The following FAT3 variants were observed in gnomAD, a reference collection of about 807,000 sequenced individuals.
FAT3 encodes the protein protocadherin Fat 3.
A neutral mutation model predicts 310.2 loss-of-function variants in FAT3; 95 were observed. That is an observed-to-expected ratio of 0.31 (90% CI 0.26 to 0.36). The LOEUF is 0.36. FAT3 is among the 10% of genes least tolerant of loss of function. The pLI is 1.00. For synonymous variants in FAT3, 2,314 were observed against 2,192.9 expected (o/e 1.06, Z -1.54); for missense variants, 5,408 against 5,715.6 (o/e 0.95, Z 1.74).
At chr11:92,780,164 T>TG (rs1444123798) in intron 7 of FAT3, among the ~76,000 whole-genome samples, 4 of 3,554 alleles carry the variant, frequency 1.1e-3, no homozygotes, top group Non-Finnish European at 2.7e-3. Flanking sequence ...TTTTTTTTTC[T>TG]TTTTTTTTTT....
chr11:92,352,347 A>T lies in FAT3; in HGVS notation c.235A>T (p.Ile79Phe). Residue 79 changes from isoleucine (I) to phenylalanine (F), a missense_variant, in exon 2 of 28, where the codon ATC (isoleucine) becomes TTC (phenylalanine). Around this residue, in one of 5 missense-constraint regions of FAT3, gnomAD observed 152 missense variants for 188.3 expected, o/e 0.81. Transcript: ENST00000525166. ...GITLIDLSWD[I>F]KYRIVSGDEE... ...CACCTTAATAGATCTATCCTGGGAT[A>T]TCAAATACAGAATAGTGTCCGGAGA... 1.9e-6 allele frequency: 3 copies of T among 1,587,684 alleles called. No individual in the cohort carries two copies. The highest frequency in any genetic ancestry group is 2.6e-6 in the Non-Finnish European group (3 of 1,163,950).
At chr11:92,802,064 C>T (rs1390736525) in intron 10 of FAT3, among the ~76,000 whole-genome samples, 155 bp downstream of exon 10, 7 of 152,114 alleles carry the variant, frequency 4.6e-5, no homozygotes, top group Non-Finnish European at 8.8e-5. Flanking sequence ...GAGCAGACTG[C>T]GTTTTTTGCT....
chr11:92,500,491 T>G (rs1211007039), intron 2 of FAT3, among the ~76,000 whole-genome samples: 2 of 151,992 alleles, frequency 1.3e-5, no homozygotes, highest in African/African-American at 2.4e-5. Context: ...TATGATGAAA[T>G]GTTTCAAAAT....
intron 3 of FAT3, among the ~76,000 whole-genome samples, chr11:92,692,395 C>A (rs1943820460): frequency 6.6e-6 from 1 of 152,162 alleles, no homozygotes; most frequent in Non-Finnish European, 1.5e-5. Flanking sequence ...TATTCACCAC[C>A]CTTTTGCTTG....
rs115063488 is a variant in FAT3 at position 92,778,409 on chromosome 11, T to C, written c.4335+4229T>C. ...TTTCCCTGGACTAAAGAATGACTAA[T>C]GTTCACTGGAGTGATTTTAAACCAG... is the stretch of plus-strand genomic sequence containing the variant. On this transcript the variant is annotated intron_variant, in intron 7 of 27. Coordinates refer to ENST00000525166, the MANE Select transcript of FAT3 (RefSeq NM_001367949.2). 6.1e-3 allele frequency among the ~76,000 whole-genome samples: 934 copies of C among 152,282 alleles called. 14 individuals carry two copies. The highest frequency in any genetic ancestry group is 0.021 in the African/African-American group (855 of 41,566).
chr11:92,462,655 T>A lies in FAT3; in HGVS notation c.3293-61979T>A, dbSNP rs150957619. 5.6e-3 allele frequency among the ~76,000 whole-genome samples: 855 copies of A among 152,236 alleles called. 8 individuals are homozygous for A. The highest frequency in any genetic ancestry group is 0.02 in the African/African-American group (819 of 41,534). Reference sequence around the variant, plus strand: ...TTATTATCTGCTAAAAACCATAGGATGTTTTAGGCCTTGTTTTACCAAGAT... The same window carrying A: ...TTATTATCTGCTAAAAACCATAGGAAGTTTTAGGCCTTGTTTTACCAAGAT... On this transcript the variant is annotated intron_variant, in intron 2 of 27. Transcript: ENST00000525166.
At chr11:92,429,800 C>T (rs1407465408) in intron 2 of FAT3, among the ~76,000 whole-genome samples, 1 of 152,120 alleles carries the variant, frequency 6.6e-6, no homozygotes, top group Non-Finnish European at 1.5e-5. Context: ...TCTCTGGCTG[C>T]CCTTAACATT....
intron 1 of FAT3, among the ~76,000 whole-genome samples, chr11:92,298,929 A>C (rs572712895): frequency 6.6e-6 from 1 of 152,118 alleles, no homozygotes; most frequent in Non-Finnish European, 1.5e-5. Context: ...TTGCTGTTGA[A>C]GTTCAGAACA....
At chr11:92,723,182 GT>G (rs1383753911) in intron 4 of FAT3, among the ~76,000 whole-genome samples, 2 of 152,130 alleles carry the variant, frequency 1.3e-5, no homozygotes, top group East Asian at 3.9e-4. Flanking sequence ...CAGCATCCAA[GT>G]CACCTCTTGA....
chr11:92,889,830 T>A, intron 26 of FAT3, 26 bp from the exon 27 acceptor site: 1 of 717,848 alleles, frequency 1.4e-6, no homozygotes, highest in Non-Finnish European at 2.6e-6. Flanking sequence ...ACTGTCAGTT[T>A]TACTTTTCAC....
chr11:92,792,574 C>A (rs960395572), intron 8 of FAT3, among the ~76,000 whole-genome samples, 193 bp from the exon 9 acceptor site: 1 of 152,164 alleles, frequency 6.6e-6, no homozygotes, highest in Non-Finnish European at 1.5e-5. Flanking sequence ...GTGTTGTAAA[C>A]CCTGCTCACG....
At chr11:92,280,753 C>A (rs900158307) in intron 1 of FAT3, among the ~76,000 whole-genome samples, 1 of 152,194 alleles carries the variant, frequency 6.6e-6, no homozygotes, top group Non-Finnish European at 1.5e-5. Context: ...GCCACTCCCT[C>A]ACCCAGCACA....
At chr11:92,858,373 ATCT>A (rs1489825235) in intron 20 of FAT3, among the ~76,000 whole-genome samples, 1 of 152,186 alleles carries the variant, frequency 6.6e-6, no homozygotes, top group Admixed American at 6.5e-5. Flanking sequence ...ATAAAGCCAA[ATCT>A]TCTAAGTTCT....
intron 3 of FAT3, among the ~76,000 whole-genome samples, chr11:92,548,397 A>G (rs1954687736): frequency 6.6e-6 from 1 of 152,156 alleles, no homozygotes; most frequent in Non-Finnish European, 1.5e-5. Context: ...TGTTTGCTTA[A>G]GCTCTTCTGA....
At chr11:92,677,205 G>A (rs753524975) in intron 3 of FAT3, among the ~76,000 whole-genome samples, 5 of 152,180 alleles carry the variant, frequency 3.3e-5, no homozygotes, top group Non-Finnish European at 5.9e-5. Flanking sequence ...TTTTGGTGCA[G>A]CCTCTCTTAC....
chr11:92,681,038 A>G (rs1182660411), intron 3 of FAT3, among the ~76,000 whole-genome samples: 1 of 152,254 alleles, frequency 6.6e-6, no homozygotes, highest in Non-Finnish European at 1.5e-5. Flanking sequence ...GGCTTCAGCA[A>G]TGTTTGGAAG....
rs768921103 is a variant in FAT3, at chr11:92,800,188, C to T, written c.7175C>T (p.Pro2392Leu). The part of the protein sequence containing the change: ...IYISDVNDNP[P>L]VFNQLIYESY... ...ATCTCTGATGTAAATGACAACCCTCCAGTTTTTAATCAGCTCATTTATGAG... is the reference window on the plus strand; with the variant it reads ...ATCTCTGATGTAAATGACAACCCTCTAGTTTTTAATCAGCTCATTTATGAG... The change falls in exon 10 of 28, where the codon CCA becomes CTA. Residue 2392 changes from proline (P) to leucine (L), a missense_variant. Around this residue, in one of 5 missense-constraint regions of FAT3, gnomAD observed 4,588 missense variants for 4,809.8 expected, o/e 0.95. Transcript: ENST00000525166. 1 of 1,613,968 alleles carries T rather than the reference C, an allele frequency of 6.2e-7. No homozygotes were observed. The highest frequency in any genetic ancestry group is 1.1e-5 in the South Asian group (1 of 91,070).
Position 92,353,328 on chromosome 11 carries a change from G to T in FAT3, c.1216G>T (p.Asp406Tyr), listed in dbSNP as rs377587382. 3.0e-5 allele frequency: 48 copies of T among 1,613,508 alleles called. No homozygotes were observed. The highest frequency in any genetic ancestry group is 4.0e-5 in the Non-Finnish European group (47 of 1,179,804). The change falls in exon 2 of 28, where the codon GAT becomes TAT. Residue 406 changes from aspartate (D) to tyrosine (Y), a missense_variant. By Grantham distance (160) the Asp-to-Tyr change is radical. Coordinates refer to ENST00000525166, the MANE Select transcript of FAT3 (RefSeq NM_001367949.2). Reference protein sequence around the residue: ...AIVKLSPEPIDVEYKLSPGED... With the variant: ...AIVKLSPEPIYVEYKLSPGED... ...AGTAAAATTAAGTCCTGAACCGATA[G>T]ATGTGGAATACAAATTATCTCCTGG...
chr11:92,848,826 A>G (rs1003638177), intron 19 of FAT3, among the ~76,000 whole-genome samples: 1 of 152,226 alleles, frequency 6.6e-6, no homozygotes, highest in African/African-American at 2.4e-5. Flanking sequence ...CTCAGTGTAT[A>G]AAGAGGAATC....
Sources: allele counts gnomAD v4.1 joint callset (sites outside exome capture counted in the v4.1 genomes callset), GRCh38; gene constraint gnomAD v4.1.1; regional missense constraint gnomAD v4.1.1; transcripts MANE v1.5; gene names NCBI Gene and HGNC (gene_info 2026-07-23, HGNC 2026-07-21).